GPCPD1: variants seen among roughly 807,000 people sequenced by gnomAD.
GPCPD1 encodes glycerophosphocholine phosphodiesterase 1.
Under a neutral mutation model 89.2 loss-of-function variants are expected in GPCPD1, and 29 were observed. That is an observed-to-expected ratio of 0.33 (90% CI 0.24 to 0.44). The LOEUF (loss-of-function observed/expected upper bound fraction) is 0.44. GPCPD1 is among the 20% of genes least tolerant of loss of function. GPCPD1 has a pLI of 1.00. For missense variants in GPCPD1, 594 were observed against 808.9 expected (o/e 0.73, Z 3.22); for synonymous variants, 258 against 266.3 (o/e 0.97, Z 0.30).
At chr20:5,557,893 A>G in intron 19 of GPCPD1, 52 bp downstream of exon 19, 1 of 981,354 alleles carries the variant, frequency 1.0e-6, no homozygotes, top group South Asian at 1.6e-5. Flanking sequence ...ATTTCGTAAG[A>G]TGAAATCTAT....
At chr20:5,584,850 G>A (rs779997551) in intron 5 of GPCPD1, 5 of 152,566 alleles carry the variant, frequency 3.3e-5, no homozygotes, top group Non-Finnish European at 7.4e-5. Context: ...AAGAATAAAC[G>A]CTAGCACAAC....
intron 4 of GPCPD1, among the ~76,000 whole-genome samples, chr20:5,586,604 A>G (rs1481177138): frequency 1.3e-5 from 2 of 152,242 alleles, no homozygotes; most frequent in Non-Finnish European, 2.9e-5. Flanking sequence ...GATAAATATC[A>G]TATATACTTT....
chr20:5,549,220 T>A, intron 19 of GPCPD1: 2 of 719,976 alleles, frequency 2.8e-6, no homozygotes, highest in South Asian at 2.8e-5. Flanking sequence ...CACTTTTGGC[T>A]AGAGACTCTA....
chr20:5,596,283 T>C (rs370920547), intron 3 of GPCPD1, among the ~76,000 whole-genome samples: 28 of 152,114 alleles, frequency 1.8e-4, no homozygotes, highest in East Asian at 1.5e-3. Context: ...ACCTAGCTAC[T>C]CGAGAGGCTG....
chr20:5,586,863 C>T (rs1281525293), intron 4 of GPCPD1, among the ~76,000 whole-genome samples: 1 of 152,124 alleles, frequency 6.6e-6, no homozygotes, highest in Non-Finnish European at 1.5e-5. Context: ...TTCTAAAGAA[C>T]ACGGGAAATT....
chr20:5,588,828 A>C (rs2122733675), intron 4 of GPCPD1, among the ~76,000 whole-genome samples: 1 of 151,984 alleles, frequency 6.6e-6, no homozygotes, highest in African/African-American at 2.4e-5. Flanking sequence ...ATGTCTCAAA[A>C]AAGAAAAAGA....
intron 17 of GPCPD1, among the ~76,000 whole-genome samples, chr20:5,559,209 A>G (rs1985947354): frequency 6.6e-6 from 1 of 152,096 alleles, no homozygotes; most frequent in Admixed American, 6.5e-5. Context: ...TCAAATAAAT[A>G]AATAGATTTA....
intron 3 of GPCPD1, among the ~76,000 whole-genome samples, chr20:5,594,005 T>A (rs1326934191): frequency 6.6e-6 from 1 of 152,252 alleles, no homozygotes; most frequent in Non-Finnish European, 1.5e-5. Context: ...AGTCAGAACC[T>A]GTATCTTGTT....
chr20:5,559,916 G>GA (rs777381421), intron 17 of GPCPD1, 24 bp downstream of exon 17: 2 of 1,388,376 alleles, frequency 1.4e-6, no homozygotes, highest in East Asian at 2.6e-5. Context: ...AAGAGTATAG[G>GA]AAAAAATACA....
intron 4 of GPCPD1, among the ~76,000 whole-genome samples, chr20:5,590,547 A>AAAAAAAAAAAAAAAAAAG: frequency 6.6e-6 from 1 of 151,062 alleles, no homozygotes; most frequent in Non-Finnish European, 1.5e-5. Context: ...TGTCTCAAAA[A>AAAAAAAAAAAAAAAAAAG]AAAAAATCTC....
intron 2 of GPCPD1, among the ~76,000 whole-genome samples, chr20:5,603,119 C>G (rs1181306036): frequency 6.6e-6 from 1 of 151,648 alleles, no homozygotes; most frequent in Non-Finnish European, 1.5e-5. Flanking sequence ...ATAGTGAAAC[C>G]CTGTCTCTAC....
chr20:5,581,805 G>A (rs1389579859), intron 6 of GPCPD1, among the ~76,000 whole-genome samples: 3 of 131,350 alleles, frequency 2.3e-5, no homozygotes, highest in Non-Finnish European at 4.6e-5. Context: ...AATAATTGTG[G>A]GACTTTAACT....
chr20:5,566,881 C>G, intron 13 of GPCPD1, 109 bp from the exon 14 acceptor site: 1 of 711,920 alleles, frequency 1.4e-6, no homozygotes, highest in East Asian at 2.5e-5. Flanking sequence ...GCCTATAAAA[C>G]GTAGAACTAT....
chr20:5,589,536 T>C (rs1204184617), intron 4 of GPCPD1, among the ~76,000 whole-genome samples: 5 of 152,152 alleles, frequency 3.3e-5, no homozygotes, highest in Non-Finnish European at 7.4e-5. Context: ...CACTTGAACC[T>C]GGGAGGCGGA....
intron 19 of GPCPD1, chr20:5,548,828 G>C (rs956062039): frequency 2.9e-6 from 2 of 696,698 alleles, no homozygotes; most frequent in Non-Finnish European, 4.2e-6. Flanking sequence ...GCAGATCGAT[G>C]TAAGACGGCG....
rs142917605 is a variant in GPCPD1, at chr20:5,598,808, C to G, written c.63G>C (p.Ala21=). Residue 21 remains alanine, a synonymous_variant, in exon 3 of 20, where the codon GCG becomes GCC. Coordinates refer to ENST00000379019, the MANE Select transcript of GPCPD1 (RefSeq NM_019593.5). ...CCAAAGCATCACAGCTTCCACATAT[C>G]GCAAAAACTTCTCCTAAAGAAACAG... ...RGTLLPGEVF[A]ICGSCDALGN... The G allele has an allele frequency of 9.3e-6, 15 of 1,607,472 alleles. No homozygotes were observed. The highest frequency in any genetic ancestry group is 4.4e-5 in the South Asian group (4 of 90,904).
intron 2 of GPCPD1, 41 bp downstream of exon 2, chr20:5,604,323 A>T (rs1401022548): frequency 1.0e-6 from 1 of 983,714 alleles, no homozygotes; most frequent in Non-Finnish European, 1.6e-6. Flanking sequence ...GAAACATGCT[A>T]ATTTAATTTT....
Position 5,575,810 on chromosome 20 carries a change from C to T in GPCPD1, c.868+6G>A, listed in dbSNP as rs539218583. On this transcript the variant is annotated splice_donor_region_variant and intron_variant, in intron 9 of 19. Coordinates refer to ENST00000379019, the MANE Select transcript of GPCPD1 (RefSeq NM_019593.5). ...TTGGGTTATTTGGCAGTGTCTTCAA[C>T]CTTACCTCTCACTTTGCCTATTGTT... 6.3e-7 allele frequency: 1 copy of T among 1,594,282 alleles called. No homozygotes were observed. Among genetic ancestry groups the T allele is most frequent in the Admixed American group, 1.7e-5 (1 of 59,750 alleles).
Position 5,546,279 on chromosome 20 carries a change from C to A in GPCPD1, c.*1382G>T, listed in dbSNP as rs1985021521. ...AAAAATACTACACAATGTATAATTT[C>A]AAGTCTTAGGTTCTCAGCTACTACC... is the stretch of plus-strand genomic sequence containing the variant. On this transcript the variant is annotated 3_prime_UTR_variant, in exon 20 of 20. Transcript: ENST00000379019. 6.6e-6 allele frequency: 1 copy of A among 152,196 alleles called. No homozygotes were observed. Among genetic ancestry groups the A allele is most frequent in the Non-Finnish European group, 1.5e-5 (1 of 68,028 alleles). The allele number at this position is 152,196 out of a possible 1,614,324, so 9.4% of individuals were successfully genotyped here. A position where few individuals can be genotyped will look rare whatever the true frequency, so the allele number is the denominator to read the frequency against.
Sources: allele counts gnomAD v4.1 joint callset (sites outside exome capture counted in the v4.1 genomes callset), GRCh38; gene constraint gnomAD v4.1.1; transcripts MANE v1.5; gene names NCBI Gene and HGNC (gene_info 2026-07-23, HGNC 2026-07-21).